The following ZMYM4 variants were observed in gnomAD, a reference collection of about 807,000 sequenced individuals.
ZMYM4 encodes zinc finger MYM-type containing 4.
ZMYM4 carries 31 observed loss-of-function variants against 183.2 expected under a neutral mutation model. The observed-to-expected ratio is 0.17, with a 90% confidence interval of 0.13 to 0.23. The LOEUF (loss-of-function observed/expected upper bound fraction) is 0.23. Among genes scored for constraint, ZMYM4 ranks in the 10% least tolerant of loss-of-function variants. The pLI is 1.00. For synonymous variants in ZMYM4, 592 were observed against 631.2 expected (o/e 0.94, Z 0.93); for missense variants, 1,273 against 1,840.3 (o/e 0.69, Z 5.64).
chr1:35,401,716 A>AT (rs1429184456), intron 23 of ZMYM4, among the ~76,000 whole-genome samples: 6 of 152,014 alleles, frequency 3.9e-5, no homozygotes, highest in Non-Finnish European at 7.4e-5. Flanking sequence ...ATTCTCTTAC[A>AT]TTTTCTTCTA....
chr1:35,288,745 C>G (rs888007280), intron 1 of ZMYM4, among the ~76,000 whole-genome samples: 1 of 152,174 alleles, frequency 6.6e-6, no homozygotes, highest in African/African-American at 2.4e-5. Context: ...CAGAGGGCAT[C>G]TTTTCTTTGA....
chr1:35,406,868 G>A (rs557600567), intron 25 of ZMYM4, among the ~76,000 whole-genome samples: 1 of 152,184 alleles, frequency 6.6e-6, no homozygotes, highest in Non-Finnish European at 1.5e-5. Flanking sequence ...GGATCAACAT[G>A]TTGTAGTAGG....
intron 1 of ZMYM4, among the ~76,000 whole-genome samples, chr1:35,304,391 A>G (rs1366832275): frequency 6.6e-6 from 1 of 151,720 alleles, no homozygotes; most frequent in Non-Finnish European, 1.5e-5. Context: ...TTTTATAGTG[A>G]TTTCAAATTT....
At chr1:35,400,408 T>C (rs1412705698) in intron 23 of ZMYM4, 1 of 151,666 alleles carries the variant, frequency 6.6e-6, no homozygotes, top group African/African-American at 2.4e-5. Context: ...GGTTTCACCA[T>C]GTTAGCCAGG....
In ZMYM4 at chr1:35,419,680, C is replaced by T. The variant is rs761595362; in HGVS notation, c.*3C>T. ...CTGATGTTGAATTATCAGATTAAAA[C>T]GGAAGTGAGGTTCTTATTTTCATAC... On this transcript the variant is annotated 3_prime_UTR_variant, in exon 30 of 30. Transcript: ENST00000314607. 82 of 1,613,866 alleles carry T rather than the reference C, an allele frequency of 5.1e-5. No homozygotes were observed. In the Middle Eastern group the frequency reaches 6.6e-4, roughly 13 times the overall value.
chr1:35,269,234 G>A, intron 1 of ZMYM4, 149 bp downstream of exon 1: 1 of 813,476 alleles, frequency 1.2e-6, no homozygotes, highest in Non-Finnish European at 1.7e-6. Flanking sequence ...GGTCCGGAGC[G>A]CGCTGGCGAG....
intron 2 of ZMYM4, among the ~76,000 whole-genome samples, chr1:35,332,547 A>G (rs1642800412): frequency 6.6e-6 from 1 of 152,084 alleles, no homozygotes; most frequent in Non-Finnish European, 1.5e-5. Context: ...CAGGACTCAA[A>G]GACTGTGACT....
intron 1 of ZMYM4, among the ~76,000 whole-genome samples, chr1:35,307,852 G>A (rs763031586): frequency 5.2e-4 from 75 of 143,738 alleles, no homozygotes; most frequent in Non-Finnish European, 7.3e-4. Context: ...TTTTTGAGAC[G>A]AAGTCTTACT....
intron 1 of ZMYM4, among the ~76,000 whole-genome samples, chr1:35,321,968 AAGC>A (rs1385233029): frequency 1.3e-5 from 2 of 152,024 alleles, no homozygotes; most frequent in East Asian, 1.9e-4. Flanking sequence ...AAAAAAAAAA[AAGC>A]AGGAGGCAAC....
At chr1:35,410,476 C>T (rs1187716789) in intron 26 of ZMYM4, among the ~76,000 whole-genome samples, 1 of 146,394 alleles carries the variant, frequency 6.8e-6, no homozygotes, top group Non-Finnish European at 1.5e-5. Context: ...ATTTATTTAT[C>T]TGTTTATTAA....
chr1:35,415,915 T>G (rs932134923), intron 28 of ZMYM4, among the ~76,000 whole-genome samples: 1 of 152,216 alleles, frequency 6.6e-6, no homozygotes, highest in East Asian at 1.9e-4. Context: ...ATACTTTCAT[T>G]GGCTTTTAAA....
chr1:35,356,521 A>G (rs923542174), intron 2 of ZMYM4, among the ~76,000 whole-genome samples: 1 of 152,158 alleles, frequency 6.6e-6, no homozygotes, highest in African/African-American at 2.4e-5. Flanking sequence ...CAATTATATT[A>G]TTGCCTCTAC....
intron 2 of ZMYM4, among the ~76,000 whole-genome samples, chr1:35,341,380 A>G (rs1428311135): frequency 6.6e-6 from 1 of 152,144 alleles, no homozygotes; most frequent in African/African-American, 2.4e-5. Context: ...ATACAATAAG[A>G]ACAATAAGCC....
At chr1:35,350,862 C>G in intron 2 of ZMYM4, 1 of 580,182 alleles carries the variant, frequency 1.7e-6, no homozygotes, top group Non-Finnish European at 3.1e-6. Context: ...ACAAAACACA[C>G]AAATACAGGA....
In ZMYM4 at chr1:35,370,394, T is replaced by A; in HGVS notation, c.948T>A (p.Phe316Leu). The A allele has an allele frequency of 6.3e-7, 1 of 1,589,720 alleles. No homozygotes were observed. The highest frequency in any genetic ancestry group is 1.1e-5 in the South Asian group (1 of 89,212). ...AAGCTCCACAGTTGACTACTGGCTT[T>A]CAGCCCTCACTGGCGTCATCTGGCA... ...SPLAPQLTTG[F>L]QPSLASSGMN... Residue 316 changes from phenylalanine (F) to leucine (L), a missense_variant, in exon 7 of 30, where the codon TTT becomes TTA. Transcript: ENST00000314607.
intron 1 of ZMYM4, among the ~76,000 whole-genome samples, chr1:35,282,543 T>G (rs1276205468): frequency 6.6e-6 from 1 of 152,144 alleles, no homozygotes; most frequent in African/African-American, 2.4e-5. Flanking sequence ...GGAATTCTGT[T>G]TATCCTTATT....
At chr1:35,287,732 T>C (rs1399590591) in intron 1 of ZMYM4, among the ~76,000 whole-genome samples, 1 of 151,862 alleles carries the variant, frequency 6.6e-6, no homozygotes, top group Non-Finnish European at 1.5e-5. Context: ...TAGCCTCCCA[T>C]GTAGCTGGGA....
At chr1:35,303,110 A>G (rs1454460518) in intron 1 of ZMYM4, among the ~76,000 whole-genome samples, 1 of 151,044 alleles carries the variant, frequency 6.6e-6, no homozygotes, top group African/African-American at 2.4e-5. Flanking sequence ...AAAAAAAAAC[A>G]AAAAAACCTT....
intron 1 of ZMYM4, among the ~76,000 whole-genome samples, chr1:35,276,279 CCTT>C (rs1278914039): frequency 2.0e-5 from 3 of 147,842 alleles, no homozygotes; most frequent in Admixed American, 6.7e-5. Context: ...TCCCTCCCTC[CCTT>C]CTTTCTTCCC....
Sources: allele counts gnomAD v4.1 joint callset (sites outside exome capture counted in the v4.1 genomes callset), GRCh38; gene constraint gnomAD v4.1.1; transcripts MANE v1.5; gene names NCBI Gene and HGNC (gene_info 2026-07-23, HGNC 2026-07-21).